Variants in PXDNL observed in about 807,000 individuals in gnomAD.
PXDNL encodes peroxidasin like, also known as probable oxidoreductase PXDNL.
PXDNL carries 145 observed loss-of-function variants against 150.8 expected under a neutral mutation model. The ratio of observed to expected loss-of-function variants is 0.96; its 90% CI spans 0.84 to 1.10. The LOEUF (loss-of-function observed/expected upper bound fraction) is 1.10, where lower values mean the gene tolerates loss of function less well. Among genes scored for constraint, PXDNL ranks in the 50% least tolerant of loss-of-function variants. The pLI is 0.00. For missense variants in PXDNL, 2,087 were observed against 1,873.9 expected (o/e 1.11, Z -2.10); for synonymous variants, 757 against 725.7 (o/e 1.04, Z -0.69).
chr8:51,419,055 A>G (rs537139265), intron 14 of PXDNL, among the ~76,000 whole-genome samples: 105 of 152,272 alleles, frequency 6.9e-4, no homozygotes, highest in African/African-American at 1.9e-3. Context: ...GGAGGAGACA[A>G]GGTCCTCGGG....
At chr8:51,637,252 A>T (rs893783734) in intron 2 of PXDNL, among the ~76,000 whole-genome samples, 1 of 152,206 alleles carries the variant, frequency 6.6e-6, no homozygotes, top group African/African-American at 2.4e-5. Flanking sequence ...GATGGGGAAA[A>T]AAACAGAGCA....
chr8:51,639,326 G>C (rs1014058664), intron 2 of PXDNL, among the ~76,000 whole-genome samples: 2 of 152,134 alleles, frequency 1.3e-5, no homozygotes, highest in Non-Finnish European at 2.9e-5. Context: ...TCAAAAGCTA[G>C]CAGAAGGCAA....
At chr8:51,462,203 G>A (rs1367301152) in intron 8 of PXDNL, among the ~76,000 whole-genome samples, 7 of 152,122 alleles carry the variant, frequency 4.6e-5, no homozygotes, top group Non-Finnish European at 7.3e-5. Flanking sequence ...CCTCTCAAAT[G>A]AGTAAGAATC....
intron 1 of PXDNL, among the ~76,000 whole-genome samples, chr8:51,709,844 A>C (rs945026761): frequency 3.3e-5 from 5 of 152,218 alleles, no homozygotes; most frequent in South Asian, 2.1e-4. Context: ...TCATTAAACA[A>C]AATTGATTCA....
intron 3 of PXDNL, among the ~76,000 whole-genome samples, chr8:51,575,032 T>A (rs1813019879): frequency 6.6e-6 from 1 of 152,010 alleles, no homozygotes; most frequent in Non-Finnish European, 1.5e-5. Context: ...CATCCTAAAT[T>A]ATGGTTGATA....
Position 51,577,577 on chromosome 8 carries a change from A to AT in PXDNL, c.308+15049_308+15050insA, listed in dbSNP as rs1444006570. Among the ~76,000 whole-genome samples, 219 of 141,012 alleles carry AT rather than the reference A, an allele frequency of 1.6e-3. 1 individual carries two copies. The highest frequency in any genetic ancestry group is 5.7e-3 in the African/African-American group (206 of 36,306). The allele number at this position is 141,012 out of a possible 152,430, so 92.5% of individuals were successfully genotyped here. A position where few individuals can be genotyped will look rare whatever the true frequency, so the allele number is the denominator to read the frequency against. ...ATACATATATTTTATATATATATAT[A>AT]AAATCTATCTATCTACATATATATA... On this transcript the variant is annotated intron_variant, in intron 3 of 22. Coordinates refer to ENST00000356297, the MANE Select transcript of PXDNL (RefSeq NM_144651.5).
intron 1 of PXDNL, among the ~76,000 whole-genome samples, chr8:51,663,395 A>G (rs13265125): frequency 6.6e-6 from 1 of 151,980 alleles, no homozygotes; most frequent in Non-Finnish European, 1.5e-5. Flanking sequence ...CACTTTTCTC[A>G]GGCAGGGCAA....
intron 4 of PXDNL, among the ~76,000 whole-genome samples, chr8:51,542,683 G>A (rs111333147): frequency 0.034 from 5,090 of 151,714 alleles, 285 homozygotes; most frequent in African/African-American, 0.12. Flanking sequence ...GGTGGGAGGC[G>A]CCTGTAATCC....
intron 1 of PXDNL, chr8:51,721,654 AAAG>A (rs1212021165): frequency 9.3e-6 from 4 of 431,050 alleles, no homozygotes; most frequent in Non-Finnish European, 1.8e-5. Flanking sequence ...TTAAAAAAAA[AAAG>A]AAGTTGACTC....
At chr8:51,456,705 A>G (rs1175140640) in intron 9 of PXDNL, among the ~76,000 whole-genome samples, 1 of 152,234 alleles carries the variant, frequency 6.6e-6, no homozygotes, top group Non-Finnish European at 1.5e-5. Context: ...CTATATTATG[A>G]TGAACTTCTG....
chr8:51,688,043 T>C (rs1815913872), intron 1 of PXDNL, among the ~76,000 whole-genome samples: 1 of 152,232 alleles, frequency 6.6e-6, no homozygotes, highest in African/African-American at 2.4e-5. Context: ...GTAGGAAATG[T>C]AGATTACAAG....
rs1289135256 is a variant in PXDNL, at chr8:51,637,549, T to C, written c.236+17140A>G. ...AAACCATTGCACAAGAACTACATAA[T>C]GAATGCACAAGCTTCAGTAGCCGAT... On this transcript the variant is annotated intron_variant, in intron 2 of 22. Transcript: ENST00000356297. 2.0e-5 allele frequency among the ~76,000 whole-genome samples: 3 copies of C among 152,130 alleles called. No homozygotes were observed. The South Asian group carries it at 6.2e-4, about 32-fold the overall frequency.
intron 4 of PXDNL, among the ~76,000 whole-genome samples, chr8:51,521,137 G>A (rs1026514976): frequency 1.1e-4 from 16 of 152,160 alleles, no homozygotes; most frequent in African/African-American, 2.9e-4. Flanking sequence ...AGCTACCTGG[G>A]AGGATGAGGT....
intron 2 of PXDNL, among the ~76,000 whole-genome samples, chr8:51,646,713 G>A (rs951239668): frequency 5.9e-5 from 9 of 152,196 alleles, no homozygotes; most frequent in Non-Finnish European, 1.0e-4. Flanking sequence ...GATAGCAAGA[G>A]AGAGGGAAAG....
At chr8:51,510,908 G>A (rs187829942) in intron 4 of PXDNL, among the ~76,000 whole-genome samples, 10 of 152,268 alleles carry the variant, frequency 6.6e-5, no homozygotes, top group African/African-American at 2.4e-4. Flanking sequence ...TTCAGGCTCA[G>A]GAAATTGATG....
chr8:51,709,192 A>T (rs981078534), intron 1 of PXDNL, among the ~76,000 whole-genome samples: 4 of 152,228 alleles, frequency 2.6e-5, no homozygotes, highest in African/African-American at 9.6e-5. Context: ...TACTAATGTC[A>T]GTTGGAAGTC....
At chr8:51,348,251 T>G (rs1806222946) in intron 19 of PXDNL, among the ~76,000 whole-genome samples, 1 of 152,234 alleles carries the variant, frequency 6.6e-6, no homozygotes. Context: ...TTCATTATTT[T>G]TTAGAAAGAT....
intron 17 of PXDNL, among the ~76,000 whole-genome samples, chr8:51,400,508 C>T (rs567365864): frequency 5.5e-4 from 84 of 152,296 alleles, no homozygotes; most frequent in Admixed American, 4.5e-3. Flanking sequence ...TAATGTCATA[C>T]TTTAAGGCGT....
At chr8:51,508,535 T>C (rs565022831) in intron 4 of PXDNL, among the ~76,000 whole-genome samples, 2 of 152,320 alleles carry the variant, frequency 1.3e-5, no homozygotes, top group African/African-American at 4.8e-5. Flanking sequence ...CCCACCTCAA[T>C]GGGCCTCCTG....
Sources: allele counts gnomAD v4.1 joint callset (sites outside exome capture counted in the v4.1 genomes callset), GRCh38; gene constraint gnomAD v4.1.1; transcripts MANE v1.5; gene names NCBI Gene and HGNC (gene_info 2026-07-23, HGNC 2026-07-21).